The following RTN4RL2 variants were observed in gnomAD, a reference collection of about 807,000 sequenced individuals.
RTN4RL2 encodes the protein reticulon 4 receptor like 2.
In RTN4RL2, 9 loss-of-function variants were observed where a neutral mutation model predicts 27.8. The observed-to-expected ratio is 0.32, with a 90% CI of 0.20 to 0.57. RTN4RL2 has a LOEUF of 0.57. Ranked by LOEUF, RTN4RL2 falls within the 20% of genes least tolerant of loss-of-function variation. The pLI is 0.90. For synonymous variants in RTN4RL2, 285 were observed against 297.9 expected (o/e 0.96, Z 0.45); for missense variants, 436 against 596.8 (o/e 0.73, Z 2.81).
intron 2 of RTN4RL2, among the ~76,000 whole-genome samples, chr11:57,474,674 C>T (rs1943586106): frequency 6.6e-6 from 1 of 152,242 alleles, no homozygotes; most frequent in Non-Finnish European, 1.5e-5. Flanking sequence ...TCTCTTTGAG[C>T]CCCAGTGCTC....
chr11:57,473,338 G>A (rs533507932), intron 2 of RTN4RL2, among the ~76,000 whole-genome samples: 1 of 152,220 alleles, frequency 6.6e-6, no homozygotes, highest in African/African-American at 2.4e-5. Flanking sequence ...TTGGAGCTGC[G>A]CAAGGTCACA....
chr11:57,466,514 A>C (rs1943526190), intron 1 of RTN4RL2, among the ~76,000 whole-genome samples: 1 of 152,204 alleles, frequency 6.6e-6, no homozygotes, highest in Non-Finnish European at 1.5e-5. Flanking sequence ...GCGAATGAGG[A>C]GAGCCTGGGG....
chr11:57,468,757 C>G (rs761896354), intron 2 of RTN4RL2: 4 of 1,533,672 alleles, frequency 2.6e-6, no homozygotes, highest in Non-Finnish European at 3.5e-6. Flanking sequence ...CCAAACCTGT[C>G]ATCTCAATGC....
intron 2 of RTN4RL2, among the ~76,000 whole-genome samples, chr11:57,472,521 G>A (rs966065861): frequency 3.3e-5 from 5 of 152,120 alleles, no homozygotes; most frequent in African/African-American, 1.2e-4. Flanking sequence ...GGCCTGAATG[G>A]TTTAAAAATA....
chr11:57,476,249 G>T lies in RTN4RL2; in HGVS notation c.601G>T (p.Gly201Cys). The T allele has an allele frequency of 6.2e-7, 1 of 1,612,554 alleles. No homozygotes were observed. The highest frequency in any genetic ancestry group is 1.1e-5 in the South Asian group (1 of 90,960). The change falls in exon 3 of 3, where the codon GGC becomes TGC. Residue 201 changes from glycine (G) to cysteine (C), a missense_variant. Gly to Cys is a radical substitution (Grantham distance 159). This residue lies in a region of RTN4RL2 where 365 missense variants were observed against 530.5 expected (regional missense o/e 0.69). Coordinates refer to ENST00000335099, the MANE Select transcript of RTN4RL2 (RefSeq NM_178570.3). The surrounding 1 kb of genome is among the most constrained non-coding windows in gnomAD (Gnocchi z 8.2). ...GCTGCTCACAGAGCACGTGTTTCGC[G>T]GCCTGGGCAGCCTGGACCGGCTGCT... Reference protein sequence around the residue: ...LRLLTEHVFRGLGSLDRLLLH... With the variant: ...LRLLTEHVFRCLGSLDRLLLH...
rs1943596076 is a variant in RTN4RL2, at chr11:57,476,419, G to T, written c.771G>T (p.Arg257=). ...LADLPSLEFL[R]LNANPWACDC... The stretch of plus-strand genomic sequence containing the variant: ...ACCTGCCCTCGCTCGAGTTCCTGCG[G>T]CTCAACGCTAACCCCTGGGCGTGCG... The change falls in exon 3 of 3, where the codon CGG becomes CGT. Residue 257 remains arginine, a synonymous_variant. Transcript: ENST00000335099. This position sits in a 1 kb window ranked among gnomAD's most constrained non-coding sequence, Gnocchi z 8.2. 5 of 1,598,684 alleles carry T rather than the reference G, an allele frequency of 3.1e-6. No homozygotes were observed. The highest frequency in any genetic ancestry group is 1.7e-5 in the Admixed American group (1 of 59,428).
In RTN4RL2 at chr11:57,476,386, G is replaced by T; in HGVS notation, c.738G>T (p.Ala246=). The T allele has an allele frequency of 6.2e-7, 1 of 1,606,284 alleles. No individual in the cohort carries two copies. Among genetic ancestry groups the T allele is most frequent in the Non-Finnish European group, 8.5e-7 (1 of 1,178,996 alleles). The change falls in exon 3 of 3, where the codon GCG becomes GCT. Residue 246 remains alanine (A), a synonymous_variant. Transcript: ENST00000335099. This position sits in a 1 kb window ranked among gnomAD's most constrained non-coding sequence, Gnocchi z 8.2. ...GCCTGGCCTCGCTGCCCGGCGAGGC[G>T]CTCGCCGACCTGCCCTCGCTCGAGT... is the stretch of plus-strand genomic sequence containing the variant. The part of the protein sequence containing the change: ...NNSLASLPGE[A]LADLPSLEFL...
intron 1 of RTN4RL2, 35 bp downstream of exon 1, chr11:57,460,931 C>G (rs932575292): frequency 5.2e-6 from 7 of 1,343,950 alleles, no homozygotes; most frequent in Non-Finnish European, 5.8e-6. Context: ...CGGAGGGCAT[C>G]CTGGGGAGAG....
chr11:57,475,494 T>C (rs1410100029), intron 2 of RTN4RL2, among the ~76,000 whole-genome samples: 1 of 151,572 alleles, frequency 6.6e-6, no homozygotes, highest in Admixed American at 6.6e-5. Flanking sequence ...GAGAGATGAC[T>C]GGCTTGGCCA....
intron 1 of RTN4RL2, among the ~76,000 whole-genome samples, chr11:57,463,543 A>G (rs773999738): frequency 5.9e-5 from 9 of 151,340 alleles, no homozygotes; most frequent in Non-Finnish European, 8.8e-5. Flanking sequence ...CCAGCCCTCA[A>G]TGGTGTTACC....
chr11:57,476,297 G>C lies in RTN4RL2; in HGVS notation c.649G>C (p.Gly217Arg). 6.2e-7 allele frequency: 1 copy of C among 1,611,694 alleles called. No homozygotes were observed. Residue 217 changes from glycine (G) to arginine (R), a missense_variant, in exon 3 of 3, where the codon GGC becomes CGC. This residue lies in a region of RTN4RL2 where 365 missense variants were observed against 530.5 expected (regional missense o/e 0.69). Transcript: ENST00000335099. This position sits in a 1 kb window ranked among gnomAD's most constrained non-coding sequence, Gnocchi z 8.2. ...GCTGCTGCACGGGAACCGGCTGCAGGGCGTGCACCGCGCGGCCTTCCGCGG... is the reference window on the plus strand; with the variant it reads ...GCTGCTGCACGGGAACCGGCTGCAGCGCGTGCACCGCGCGGCCTTCCGCGG... ...RLLLHGNRLQ[G>R]VHRAAFRGLS...
Position 57,468,081 on chromosome 11 carries a change from C to T in RTN4RL2, c.504C>T (p.Leu168=). The T allele has an allele frequency of 6.3e-7, 1 of 1,593,860 alleles. No homozygotes were observed. Among genetic ancestry groups the T allele is most frequent in the East Asian group, 2.2e-5 (1 of 44,776 alleles). Residue 168 remains leucine (L), a synonymous_variant, in exon 2 of 3, where the codon CTC becomes CTT. Transcript: ENST00000335099. Reference sequence around the variant, plus strand: ...TCTACCTCCAGGAGAACAGCCTGCTCCACCTACAGGTGAGCCTGCCCTGCC... The same window carrying T: ...TCTACCTCCAGGAGAACAGCCTGCTTCACCTACAGGTGAGCCTGCCCTGCC... ...QYLYLQENSL[L]HLQDDLFADL...
rs755532417 is a variant in RTN4RL2 at position 57,467,803 on chromosome 11, C to T, written c.226C>T (p.Arg76Trp). ...GCAGAACAACCTCATCCGCACGCTGCGGCCAGGCACCTTTGGGTCCAACCT... is the reference window on the plus strand; with the variant it reads ...GCAGAACAACCTCATCCGCACGCTGTGGCCAGGCACCTTTGGGTCCAACCT... Reference protein sequence around the residue: ...FLQNNLIRTLRPGTFGSNLLT... With the variant: ...FLQNNLIRTLWPGTFGSNLLT... The change falls in exon 2 of 3, where the codon CGG (arginine) becomes TGG (tryptophan). Residue 76 changes from arginine (R) to tryptophan (W), a missense_variant. Arg to Trp is a moderately radical substitution (Grantham distance 101). Around this residue, in one of 3 missense-constraint regions of RTN4RL2, gnomAD observed 365 missense variants for 530.5 expected, o/e 0.69. Coordinates refer to ENST00000335099, the MANE Select transcript of RTN4RL2 (RefSeq NM_178570.3). This position sits in a 1 kb window ranked among gnomAD's most constrained non-coding sequence, Gnocchi z 5.5. 9.3e-6 allele frequency: 15 copies of T among 1,614,056 alleles called. No homozygotes were observed. Among genetic ancestry groups the T allele is most frequent in the East Asian group, 2.2e-5 (1 of 44,888 alleles).
chr11:57,470,512 G>A (rs954656852), intron 2 of RTN4RL2, among the ~76,000 whole-genome samples: 4 of 152,146 alleles, frequency 2.6e-5, no homozygotes, highest in African/African-American at 9.7e-5. Flanking sequence ...CTCCCAAAGT[G>A]CTGGGATTAC....
Position 57,470,255 on chromosome 11 carries a change from C to CTT in RTN4RL2, c.513+2174_513+2175dup, listed in dbSNP as rs71977524. Among the ~76,000 whole-genome samples the CTT allele has an allele frequency of 2.7e-5, 4 of 149,926 alleles. No individual in the cohort carries two copies. In the East Asian group the frequency reaches 7.8e-4, roughly 29 times the overall value. On this transcript the variant is annotated intron_variant, in intron 2 of 2. Coordinates refer to ENST00000335099, the MANE Select transcript of RTN4RL2 (RefSeq NM_178570.3). Reference sequence around the variant, plus strand: ...AATCAGGATAGTACTTAATAATAATCTTTTTTTTTTGAGACGACGTCCCAC... The same window carrying CTT: ...AATCAGGATAGTACTTAATAATAATCTTTTTTTTTTTTGAGACGACGTCCCAC...
intron 2 of RTN4RL2, among the ~76,000 whole-genome samples, chr11:57,472,630 C>T (rs1199555292): frequency 1.3e-5 from 2 of 152,290 alleles, no homozygotes; most frequent in East Asian, 1.9e-4. Flanking sequence ...CTCTGAGCCT[C>T]GATGGACCCA....
chr11:57,461,118 G>A (rs936470705), intron 1 of RTN4RL2, among the ~76,000 whole-genome samples: 2 of 152,150 alleles, frequency 1.3e-5, no homozygotes, highest in African/African-American at 4.8e-5. Flanking sequence ...TGACCGAGGT[G>A]GGACGCAGGG....
At chr11:57,462,252 C>T (rs1943490453) in intron 1 of RTN4RL2, among the ~76,000 whole-genome samples, 8 of 152,094 alleles carry the variant, frequency 5.3e-5, no homozygotes, top group Admixed American at 5.2e-4. Context: ...AAGCTGTTTG[C>T]AGCAGCTCTA....
At chr11:57,471,030 G>T (rs1472557098) in intron 2 of RTN4RL2, among the ~76,000 whole-genome samples, 3 of 152,038 alleles carry the variant, frequency 2.0e-5, no homozygotes, top group South Asian at 2.1e-4. Context: ...GAAGTCAGGA[G>T]TTCGAGACCA....
Sources: allele counts gnomAD v4.1 joint callset (sites outside exome capture counted in the v4.1 genomes callset), GRCh38; gene constraint gnomAD v4.1.1; regional missense constraint gnomAD v4.1.1; non-coding constraint Gnocchi (gnomAD v3.1); transcripts MANE v1.5; gene names NCBI Gene and HGNC (gene_info 2026-07-23, HGNC 2026-07-21).